The following ZNF521 variants were observed in gnomAD, a reference collection of about 807,000 sequenced individuals.
ZNF521 encodes the protein LYST-interacting protein 3.
Under a neutral mutation model 105.5 loss-of-function variants are expected in ZNF521, and 14 were observed. The ratio of observed to expected loss-of-function variants is 0.13; its 90% CI spans 0.09 to 0.21. ZNF521 has a LOEUF of 0.21. Ranked by LOEUF, ZNF521 falls within the 10% of genes least tolerant of loss-of-function variation. The pLI, the probability that ZNF521 is intolerant of heterozygous loss-of-function variation, is 1.00. For synonymous variants in ZNF521, 635 were observed against 606.0 expected (o/e 1.05, Z -0.70); for missense variants, 1,233 against 1,629.7 (o/e 0.76, Z 4.19).
chr18:25,110,684 T>TA (rs200568619), intron 5 of ZNF521, among the ~76,000 whole-genome samples: 8,939 of 142,548 alleles, frequency 0.063, 688 homozygotes, highest in African/African-American at 0.19. Context: ...AGCCCAAAAG[T>TA]AAAAAAAAAA....
chr18:25,224,270 G>T (rs954355070), intron 4 of ZNF521, 75 bp downstream of exon 4: 2 of 1,318,088 alleles, frequency 1.5e-6, no homozygotes, highest in African/African-American at 1.5e-5. Context: ...AAATAAAGCT[G>T]TGGAGAGTGT....
chr18:25,327,825 GCCT>G (rs1913320141), intron 2 of ZNF521: 2 of 364,514 alleles, frequency 5.5e-6, no homozygotes, highest in South Asian at 4.3e-5. Context: ...CTGGTCTGCT[GCCT>G]CATTTTTTTT....
intron 1 of ZNF521, chr18:25,351,558 A>C (rs1338139521): frequency 6.6e-6 from 1 of 152,532 alleles, no homozygotes; most frequent in Non-Finnish European, 1.5e-5. Context: ...TCGACCCTGC[A>C]AGGCGATGAA....
chr18:25,096,318 A>G (rs554252678), intron 5 of ZNF521, among the ~76,000 whole-genome samples: 1 of 152,332 alleles, frequency 6.6e-6, no homozygotes. Context: ...GCTTGTCTAA[A>G]GCCAGTTCAA....
At chr18:25,212,249 C>T (rs752841398) in intron 4 of ZNF521, among the ~76,000 whole-genome samples, 8 of 151,706 alleles carry the variant, frequency 5.3e-5, no homozygotes, top group Middle Eastern at 3.4e-3. Context: ...TGGTGGCTCA[C>T]GCCTGTAATC....
chr18:25,071,371 T>C (rs896579420), intron 7 of ZNF521, among the ~76,000 whole-genome samples: 2 of 152,220 alleles, frequency 1.3e-5, no homozygotes, highest in Non-Finnish European at 2.9e-5. Flanking sequence ...ACCATCCATA[T>C]ACCATTGATG....
intron 7 of ZNF521, 150 bp downstream of exon 7, chr18:25,089,315 C>T: frequency 1.6e-6 from 1 of 617,542 alleles, no homozygotes; most frequent in African/African-American, 1.9e-5. Context: ...TCTATTAATC[C>T]AGGCTCTAAT....
intron 5 of ZNF521, among the ~76,000 whole-genome samples, chr18:25,140,086 A>G (rs1181493679): frequency 6.6e-6 from 1 of 152,194 alleles, no homozygotes. Flanking sequence ...TATGGTATAT[A>G]GCAGCGCAAA....
intron 2 of ZNF521, among the ~76,000 whole-genome samples, chr18:25,329,648 G>C (rs1257294071): frequency 3.3e-5 from 5 of 152,214 alleles, no homozygotes; most frequent in Non-Finnish European, 7.3e-5. Flanking sequence ...CAGCGGCAGA[G>C]AGCAGGCTGG....
At chr18:25,277,529 A>G (rs1047355900) in intron 3 of ZNF521, among the ~76,000 whole-genome samples, 1 of 152,248 alleles carries the variant, frequency 6.6e-6, no homozygotes. Context: ...TAAAATATGC[A>G]TAAATGATTG....
intron 3 of ZNF521, among the ~76,000 whole-genome samples, chr18:25,270,339 C>T (rs1231736621): frequency 2.6e-5 from 4 of 152,120 alleles, no homozygotes; most frequent in African/African-American, 7.2e-5. Context: ...CTGAATCATA[C>T]CAGAGGTACA....
intron 3 of ZNF521, among the ~76,000 whole-genome samples, chr18:25,236,754 A>T (rs566427895): frequency 6.6e-5 from 10 of 152,156 alleles, no homozygotes; most frequent in Non-Finnish European, 1.5e-4. Flanking sequence ...CAAATGATAT[A>T]AGACAATCCT....
At chr18:25,348,356 G>T (rs1914553757) in intron 2 of ZNF521, among the ~76,000 whole-genome samples, 1 of 152,110 alleles carries the variant, frequency 6.6e-6, no homozygotes, top group Non-Finnish European at 1.5e-5. Flanking sequence ...AGAAGGCTAG[G>T]TATTTAACAA....
intron 5 of ZNF521, among the ~76,000 whole-genome samples, chr18:25,176,195 C>A (rs2035531715): frequency 6.6e-6 from 1 of 152,136 alleles, no homozygotes; most frequent in Non-Finnish European, 1.5e-5. Context: ...AAACTGGCAG[C>A]AATTAGAGCC....
At position 25,315,258 on chromosome 18, in the gene ZNF521, T is replaced by C. The variant is rs112070405; in HGVS notation, c.220+6750A>G. Among the ~76,000 whole-genome samples the C allele has an allele frequency of 6.5e-3, 991 of 152,344 alleles. 13 individuals carry two copies. The highest frequency in any genetic ancestry group is 0.019 in the African/African-American group (793 of 41,582). On this transcript the variant is annotated intron_variant, in intron 3 of 7. Transcript: ENST00000361524. ...GGCAAGACAGGTGGTTTCCATCTAT[T>C]GCTAAAATTGAAGAGAGGGACTTAA...
intron 5 of ZNF521, among the ~76,000 whole-genome samples, chr18:25,116,781 T>C (rs1282125352): frequency 3.3e-5 from 5 of 151,056 alleles, no homozygotes; most frequent in Admixed American, 1.3e-4. Context: ...AAAGCTTCAG[T>C]TATGTCTGAC....
chr18:25,156,109 C>T (rs910653599), intron 5 of ZNF521, among the ~76,000 whole-genome samples: 1 of 152,136 alleles, frequency 6.6e-6, no homozygotes, highest in African/African-American at 2.4e-5. Flanking sequence ...GCTGCTCTGA[C>T]CACAGCAGGC....
At chr18:25,129,268 T>G (rs200402177) in intron 5 of ZNF521, among the ~76,000 whole-genome samples, 1 of 77,572 alleles carries the variant, frequency 1.3e-5, no homozygotes, top group African/African-American at 4.2e-5. Flanking sequence ...TAATAATAAT[T>G]ATTATTATTA....
chr18:25,190,464 T>C (rs1415694055), intron 5 of ZNF521, among the ~76,000 whole-genome samples: 1 of 152,194 alleles, frequency 6.6e-6, no homozygotes, highest in South Asian at 2.1e-4. Flanking sequence ...GACATGGACC[T>C]TTCTCTTCCT....
Sources: allele counts gnomAD v4.1 joint callset (sites outside exome capture counted in the v4.1 genomes callset), GRCh38; gene constraint gnomAD v4.1.1; transcripts MANE v1.5; gene names NCBI Gene and HGNC (gene_info 2026-07-23, HGNC 2026-07-21).